ULK2: variants seen among roughly 807,000 people sequenced by gnomAD.
ULK2 encodes the protein unc-51 like autophagy activating kinase 2.
In ULK2, 76 loss-of-function variants were observed where a neutral mutation model predicts 127.5. The ratio of observed to expected loss-of-function variants is 0.60; its 90% CI spans 0.50 to 0.72. The LOEUF (loss-of-function observed/expected upper bound fraction) is 0.72. ULK2 is among the 30% of genes least tolerant of loss of function. The pLI is 0.00. For synonymous variants in ULK2, 452 were observed against 461.9 expected, an observed-to-expected ratio of 0.98 and a Z score of 0.28; for missense variants, 1,144 against 1,295.9, an observed-to-expected ratio of 0.88 and a Z score of 1.80.
intron 14 of ULK2, among the ~76,000 whole-genome samples, chr17:19,806,318 G>A (rs2152387576): frequency 6.6e-6 from 1 of 152,202 alleles, no homozygotes; most frequent in South Asian, 2.1e-4. Context: ...AGTACATCAG[G>A]GAATTTTTTT....
At chr17:19,817,311 CTT>C (rs1205103817) in intron 12 of ULK2, among the ~76,000 whole-genome samples, 5 of 152,072 alleles carry the variant, frequency 3.3e-5, no homozygotes, top group Non-Finnish European at 7.4e-5. Flanking sequence ...TGTCCAGAGA[CTT>C]TAAATTAACG....
intron 18 of ULK2, among the ~76,000 whole-genome samples, chr17:19,796,844 A>G (rs977866819): frequency 1.3e-5 from 2 of 152,196 alleles, no homozygotes; most frequent in African/African-American, 4.8e-5. Flanking sequence ...ACCCACTGGC[A>G]GCTCTATTTA....
intron 9 of ULK2, among the ~76,000 whole-genome samples, chr17:19,839,407 G>A (rs2041680755): frequency 6.6e-6 from 1 of 152,182 alleles, no homozygotes; most frequent in African/African-American, 2.4e-5. Flanking sequence ...TCTCACACCT[G>A]TAATCCCAGC....
intron 10 of ULK2, among the ~76,000 whole-genome samples, chr17:19,832,100 C>T (rs574020337): frequency 6.6e-6 from 1 of 150,674 alleles, no homozygotes; most frequent in East Asian, 1.9e-4. Flanking sequence ...TGCACTCCAG[C>T]GTTGGTGACA....
chr17:19,841,078 G>GA (rs1039412196), intron 9 of ULK2, among the ~76,000 whole-genome samples: 7 of 150,088 alleles, frequency 4.7e-5, no homozygotes, highest in East Asian at 1.9e-4. Context: ...AGTTCGAGAG[G>GA]AAAAAAAAAG....
chr17:19,862,065 T>C (rs965592482), intron 3 of ULK2, among the ~76,000 whole-genome samples: 1 of 152,110 alleles, frequency 6.6e-6, no homozygotes, highest in African/African-American at 2.4e-5. Flanking sequence ...TTACAGCATT[T>C]TTCTATTAGG....
At chr17:19,821,033 G>A (rs371494308) in intron 12 of ULK2, among the ~76,000 whole-genome samples, 1 of 152,144 alleles carries the variant, frequency 6.6e-6, no homozygotes, top group Admixed American at 6.6e-5. Flanking sequence ...TAGGCCAGGC[G>A]AGGAGGCTCA....
intron 3 of ULK2, among the ~76,000 whole-genome samples, chr17:19,859,265 G>C (rs898743285): frequency 4.6e-5 from 7 of 152,128 alleles, no homozygotes; most frequent in African/African-American, 1.7e-4. Flanking sequence ...TGTAATCCCA[G>C]CACTTTGGGA....
chr17:19,862,340 A>G (rs2042260020), intron 3 of ULK2, among the ~76,000 whole-genome samples: 1 of 152,128 alleles, frequency 6.6e-6, no homozygotes, highest in Non-Finnish European at 1.5e-5. Context: ...CAGGTGATCC[A>G]CTTGCCTCAG....
At chr17:19,814,420 A>ACAT (rs1567696368) in intron 13 of ULK2, among the ~76,000 whole-genome samples, 1 of 12,832 alleles carries the variant, frequency 7.8e-5, no homozygotes, top group African/African-American at 3.6e-4. Flanking sequence ...ACATATATAT[A>ACAT]TATATATATA....
chr17:19,819,741 AG>A (rs2041089327), intron 12 of ULK2, among the ~76,000 whole-genome samples: 1 of 152,136 alleles, frequency 6.6e-6, no homozygotes, highest in Non-Finnish European at 1.5e-5. Flanking sequence ...ACTCTTCCTC[AG>A]GTTCCAAGTT....
rs200296663 is a variant in ULK2 at position 19,781,242 on chromosome 17, C to CTT, written c.2640-140_2640-139dup. ...TTTGATTTCTTTTCTTCTTTCTTTTCTTTTTTTTTTTTTTTTTTTGACAGA... is the reference window on the plus strand; with the variant it reads ...TTTGATTTCTTTTCTTCTTTCTTTTCTTTTTTTTTTTTTTTTTTTTTGACAGA... On this transcript the variant is annotated intron_variant, in intron 23 of 26. Coordinates refer to ENST00000395544, the MANE Select transcript of ULK2 (RefSeq NM_014683.4). 6.5e-3 allele frequency: 3,060 copies of CTT among 468,504 alleles called. 1 individual carries two copies. Among genetic ancestry groups the CTT allele is most frequent in the South Asian group, 7.2e-3 (268 of 37,428 alleles). The allele number at this position is 468,504 out of a possible 1,614,324, so 29.0% of individuals were successfully genotyped here. A position where few individuals can be genotyped will look rare whatever the true frequency, so the allele number is the denominator to read the frequency against.
intron 11 of ULK2, among the ~76,000 whole-genome samples, chr17:19,825,842 C>T (rs540054379): frequency 5.2e-4 from 78 of 151,184 alleles, no homozygotes; most frequent in Non-Finnish European, 8.3e-4. Context: ...CAAAATTAGC[C>T]GGGCATGGTG....
At chr17:19,823,279 C>T (rs1487133298) in intron 12 of ULK2, among the ~76,000 whole-genome samples, 2 of 151,994 alleles carry the variant, frequency 1.3e-5, no homozygotes, top group Admixed American at 1.3e-4. Context: ...TCTCTTTCTC[C>T]TGCCTCTCTT....
At chr17:19,778,024 A>G (rs1239290656) in intron 25 of ULK2, among the ~76,000 whole-genome samples, 1 of 152,178 alleles carries the variant, frequency 6.6e-6, no homozygotes, top group Non-Finnish European at 1.5e-5. Context: ...TTTTAAACAC[A>G]CACTTCCATA....
chr17:19,788,739 C>T (rs2087088906), intron 20 of ULK2, among the ~76,000 whole-genome samples: 1 of 152,090 alleles, frequency 6.6e-6, no homozygotes. Flanking sequence ...GGCCTAGCAG[C>T]ACTCAGCACA....
intron 15 of ULK2, among the ~76,000 whole-genome samples, chr17:19,804,441 T>A (rs2087468571): frequency 6.6e-6 from 1 of 151,834 alleles, no homozygotes; most frequent in African/African-American, 2.4e-5. Flanking sequence ...TAAGTATATA[T>A]GTCTATACAC....
intron 20 of ULK2, among the ~76,000 whole-genome samples, chr17:19,786,713 C>A (rs1441612842): frequency 3.1e-5 from 4 of 127,890 alleles, no homozygotes; most frequent in East Asian, 4.6e-4. Context: ...GGCTCCGTCT[C>A]AAAAAAAAAA....
In ULK2 at chr17:19,864,836, C is replaced by G; in HGVS notation, c.192G>C (p.Gln64His). 1 of 1,321,382 alleles carries G rather than the reference C, an allele frequency of 7.6e-7. No homozygotes were observed. The highest frequency in any genetic ancestry group is 1.0e-6 in the Non-Finnish European group (1 of 1,000,550). The allele number at this position is 1,321,382 out of a possible 1,614,324, so 81.9% of individuals were successfully genotyped here. Residue 64 changes from glutamine to histidine, a missense_variant, in exon 3 of 27, where the codon CAG (glutamine) becomes CAC (histidine). By Grantham distance (24) the Gln-to-His change is conservative. Transcript: ENST00000395544. ...GKEIKILKEL[Q>H]HENIVALYDV... Reference sequence around the variant, plus strand: ...CATAGAGTGCTACAATATTTTCATGCTGAAGTTCCTATTAAGAAAATTGAG... The same window carrying G: ...CATAGAGTGCTACAATATTTTCATGGTGAAGTTCCTATTAAGAAAATTGAG...
Sources: allele counts gnomAD v4.1 joint callset (sites outside exome capture counted in the v4.1 genomes callset), GRCh38; gene constraint gnomAD v4.1.1; transcripts MANE v1.5; gene names NCBI Gene and HGNC (gene_info 2026-07-23, HGNC 2026-07-21).